The following CHP1 variants were observed in gnomAD, a reference collection of about 807,000 sequenced individuals.
CHP1 encodes the protein calcineurin like EF-hand protein 1, also known as calcineurin B homologous protein 1.
Under a neutral mutation model 27.4 loss-of-function variants are expected in CHP1, and 11 were observed. The ratio of observed to expected loss-of-function variants is 0.40; its 90% CI spans 0.25 to 0.67. CHP1 has a LOEUF of 0.67. CHP1 is among the 30% of genes least tolerant of loss of function. CHP1 has a pLI of 0.38. For missense variants in CHP1, 169 were observed against 251.3 expected, an observed-to-expected ratio of 0.67 and a Z score of 2.22; for synonymous variants, 89 against 87.4, an observed-to-expected ratio of 1.02 and a Z score of -0.10.
At chr15:41,263,138 T>C (rs1043379867) in intron 4 of CHP1, among the ~76,000 whole-genome samples, 1 of 152,184 alleles carries the variant, frequency 6.6e-6, no homozygotes, top group Non-Finnish European at 1.5e-5. Flanking sequence ...CCACATTGGA[T>C]TGTTGTGAGG....
intron 3 of CHP1, among the ~76,000 whole-genome samples, chr15:41,261,675 G>A (rs1188623533): frequency 1.3e-5 from 2 of 151,754 alleles, no homozygotes; most frequent in African/African-American, 2.4e-5. Context: ...TAGCTAACAC[G>A]GTGAAACCCT....
chr15:41,242,372 A>C (rs1003166292), intron 1 of CHP1, among the ~76,000 whole-genome samples: 3 of 152,186 alleles, frequency 2.0e-5, no homozygotes, highest in Non-Finnish European at 4.4e-5. Context: ...ACACCTACCT[A>C]GCCGTACACA....
Position 41,251,804 on chromosome 15 carries a change from C to CT in CHP1, c.141-5089dup, listed in dbSNP as rs568323569. ...AAGGCTGGGGATCGCTGCCAGCTGC[C>CT]TTTTTTTTTTTTTTTTTAATTAGAG... On this transcript the variant is annotated intron_variant, in intron 2 of 6. Transcript: ENST00000334660. 8.7e-3 allele frequency among the ~76,000 whole-genome samples: 1,164 copies of CT among 134,050 alleles called. 5 individuals are homozygous for CT. The highest frequency in any genetic ancestry group is 0.02 in the Middle Eastern group (5 of 250). 87.9% of individuals were successfully genotyped at this position (134,050 alleles called of 152,430 possible). A position where few individuals can be genotyped will look rare whatever the true frequency, so the allele number is the denominator to read the frequency against.
At chr15:41,262,063 G>A (rs1445012494) in intron 3 of CHP1, among the ~76,000 whole-genome samples, 6 of 150,398 alleles carry the variant, frequency 4.0e-5, no homozygotes, top group Non-Finnish European at 8.9e-5. Context: ...CAGCTAGTCA[G>A]GAGGCTAAGG....
intron 1 of CHP1, among the ~76,000 whole-genome samples, chr15:41,233,334 G>A (rs184739391): frequency 1.3e-5 from 2 of 152,256 alleles, no homozygotes; most frequent in African/African-American, 4.8e-5. Flanking sequence ...GATGCAAAAA[G>A]CCATTTTTGC....
intron 2 of CHP1, among the ~76,000 whole-genome samples, chr15:41,251,057 C>A (rs560930923): frequency 2.0e-5 from 3 of 152,232 alleles, no homozygotes; most frequent in Non-Finnish European, 2.9e-5. Context: ...TGGTCTCGAT[C>A]TCTTGACCTT....
intron 5 of CHP1, among the ~76,000 whole-genome samples, chr15:41,278,539 G>A (rs986254156): frequency 1.3e-5 from 2 of 151,960 alleles, no homozygotes; most frequent in African/African-American, 4.8e-5. Flanking sequence ...AGTGTCTGTG[G>A]TTCCCCTTTT....
chr15:41,239,507 G>A (rs192028915), intron 1 of CHP1, among the ~76,000 whole-genome samples: 6 of 151,416 alleles, frequency 4.0e-5, no homozygotes, highest in African/African-American at 7.3e-5. Flanking sequence ...AGGATCAAGC[G>A]ATTCTCCTGC....
In CHP1 at chr15:41,270,551, T is replaced by A; in HGVS notation, c.350-6T>A. The A allele has an allele frequency of 6.2e-7, 1 of 1,612,464 alleles. No individual in the cohort carries two copies. Among genetic ancestry groups the A allele is most frequent in the South Asian group, 1.1e-5 (1 of 91,036 alleles). ...TTTTGACTAACTTTGTGTTTTTCCCTTACAGTTGCTTTTCGACTATATGAT... is the reference window on the plus strand; with the variant it reads ...TTTTGACTAACTTTGTGTTTTTCCCATACAGTTGCTTTTCGACTATATGAT... On this transcript the variant is annotated splice_region_variant and splice_polypyrimidine_tract_variant and intron_variant, in intron 4 of 6. Transcript: ENST00000334660.
chr15:41,243,638 C>T lies in CHP1; in HGVS notation c.68-29C>T, dbSNP rs78054217. On this transcript the variant is annotated intron_variant, in intron 1 of 6. Coordinates refer to ENST00000334660, the MANE Select transcript of CHP1 (RefSeq NM_007236.5). ...CAGTGTGAATGAGGGCTACTTCCCC[C>T]GAGCTGGGACTAATTTTGTGCTCTT... is the stretch of plus-strand genomic sequence containing the variant. The T allele has an allele frequency of 5.8e-3, 9,267 of 1,606,992 alleles. 502 individuals carry two copies. The African/African-American group carries it at 0.11, about 19-fold the overall frequency.
At chr15:41,261,389 C>T (rs1480643608) in intron 3 of CHP1, among the ~76,000 whole-genome samples, 3 of 151,906 alleles carry the variant, frequency 2.0e-5, no homozygotes, top group Non-Finnish European at 4.4e-5. Context: ...CTCCTGGCCT[C>T]AAGTGATCTG....
intron 1 of CHP1, among the ~76,000 whole-genome samples, chr15:41,235,247 A>G (rs937134758): frequency 6.6e-6 from 1 of 152,142 alleles, no homozygotes; most frequent in Non-Finnish European, 1.5e-5. Context: ...GGCCAGGCGC[A>G]GTGGCTCACA....
chr15:41,269,153 T>C (rs1411005077), intron 4 of CHP1, among the ~76,000 whole-genome samples: 1 of 147,398 alleles, frequency 6.8e-6, no homozygotes, highest in Non-Finnish European at 1.5e-5. Flanking sequence ...TAGTGAGTCA[T>C]GATTGTGCTA....
intron 5 of CHP1, among the ~76,000 whole-genome samples, chr15:41,271,919 C>G (rs1327480123): frequency 2.0e-5 from 3 of 152,200 alleles, no homozygotes; most frequent in African/African-American, 7.2e-5. Context: ...AGCAGTCACT[C>G]TATAGTTGCA....
intron 4 of CHP1, among the ~76,000 whole-genome samples, chr15:41,268,150 A>G (rs915217957): frequency 3.3e-5 from 5 of 152,176 alleles, no homozygotes; most frequent in Admixed American, 2.6e-4. Flanking sequence ...AATAAACAAG[A>G]TTTATTGTGG....
At chr15:41,256,431 C>A (rs931762875) in intron 2 of CHP1, among the ~76,000 whole-genome samples, 20 of 152,136 alleles carry the variant, frequency 1.3e-4, no homozygotes, top group African/African-American at 4.8e-4. Flanking sequence ...TATTTCCTTG[C>A]ATGTAAATAG....
At chr15:41,269,142 G>A (rs530967981) in intron 4 of CHP1, among the ~76,000 whole-genome samples, 2 of 151,636 alleles carry the variant, frequency 1.3e-5, no homozygotes, top group Non-Finnish European at 1.5e-5. Context: ...GGTTGAGGCT[G>A]TAGTGAGTCA....
chr15:41,256,784 A>AC, intron 2 of CHP1, 126 bp from the exon 3 acceptor site: 1 of 754,136 alleles, frequency 1.3e-6, no homozygotes, highest in Non-Finnish European at 2.4e-6. Context: ...ATTTGGTATA[A>AC]TTTGCCACAG....
intron 6 of CHP1, 124 bp from the exon 7 acceptor site, chr15:41,279,210 CAA>C (rs74265375): frequency 0.039 from 21,910 of 564,890 alleles, no homozygotes; most frequent in South Asian, 0.058. Context: ...ACTCTGCCTC[CAA>C]AAAAAAAAAA....
Sources: gnomAD v4.1 joint callset for allele counts (sites outside exome capture counted in the v4.1 genomes callset) on GRCh38, gnomAD v4.1.1 for gene constraint, MANE v1.5 for transcripts, NCBI Gene and HGNC (gene_info 2026-07-23, HGNC 2026-07-21) for gene names.